Variants in KDM5A observed in about 807,000 individuals in gnomAD.
The protein encoded by KDM5A is lysine demethylase 5A.
Under a neutral mutation model 193.5 loss-of-function variants are expected in KDM5A, and 42 were observed. The ratio of observed to expected loss-of-function variants is 0.22; its 90% CI spans 0.17 to 0.28. KDM5A has a LOEUF of 0.28. Ranked by LOEUF, KDM5A falls within the 10% of genes least tolerant of loss-of-function variation. The pLI, the probability that KDM5A is intolerant of heterozygous loss-of-function variation, is 1.00. For synonymous variants in KDM5A, 796 were observed against 718.1 expected (o/e 1.11, Z -1.73); for missense variants, 1,692 against 2,055.1 (o/e 0.82, Z 3.42).
intron 4 of KDM5A, 117 bp from the exon 5 acceptor site, chr12:363,214 T>C: frequency 8.4e-7 from 1 of 1,194,976 alleles, no homozygotes; most frequent in South Asian, 1.3e-5. Context: ...CAATTATTTC[T>C]CAAACTGACA....
intron 10 of KDM5A, among the ~76,000 whole-genome samples, chr12:336,843 A>G: frequency 6.6e-6 from 1 of 152,178 alleles, no homozygotes. Flanking sequence ...TCAAAAAAAA[A>G]AAAAAAGTTA....
intron 1 of KDM5A, chr12:388,559 T>C (rs894499214): frequency 1.6e-5 from 6 of 370,362 alleles, no homozygotes; most frequent in African/African-American, 1.1e-4. Flanking sequence ...CAACCAGGTC[T>C]TGAATAAAGA....
At chr12:352,628 A>G (rs1245993292) in intron 8 of KDM5A, among the ~76,000 whole-genome samples, 1 of 152,206 alleles carries the variant, frequency 6.6e-6, no homozygotes, top group African/African-American at 2.4e-5. Context: ...AATCATGCCT[A>G]GGGATGCCTA....
chr12:304,462 T>C (rs1296241851), intron 24 of KDM5A, among the ~76,000 whole-genome samples: 1 of 150,624 alleles, frequency 6.6e-6, no homozygotes, highest in Non-Finnish European at 1.5e-5. Flanking sequence ...TTTTTTTTTT[T>C]TTTTCATTCA....
intron 3 of KDM5A, among the ~76,000 whole-genome samples, chr12:370,608 A>C (rs1005158600): frequency 2.1e-4 from 17 of 79,344 alleles, no homozygotes; most frequent in Non-Finnish European, 4.6e-4. Flanking sequence ...CTGGGAACAG[A>C]GACTTTTTTT....
Position 282,202 on chromosome 12 carries a change from T to A in KDM5A, c.*3254A>T. 4.1e-6 allele frequency: 1 copy of A among 246,640 alleles called. No homozygotes were observed. The highest frequency in any genetic ancestry group is 8.0e-6 in the Non-Finnish European group (1 of 125,396). The allele number at this position is 246,640 out of a possible 1,614,324, so 15.3% of individuals were successfully genotyped here. A position where few individuals can be genotyped will look rare whatever the true frequency, so the allele number is the denominator to read the frequency against. On this transcript the variant is annotated 3_prime_UTR_variant, in exon 28 of 28. Transcript: ENST00000399788. ...GAGAGACAGACAGACACATGGGGTCTCGCTGTTGACCAGGCGGGACTCAAA... is the reference window on the plus strand; with the variant it reads ...GAGAGACAGACAGACACATGGGGTCACGCTGTTGACCAGGCGGGACTCAAA...
chr12:362,687 A>C (rs545751012), intron 5 of KDM5A, among the ~76,000 whole-genome samples: 1 of 152,356 alleles, frequency 6.6e-6, no homozygotes, highest in African/African-American at 2.4e-5. Context: ...TTCTCCATTC[A>C]TCTCAAAGGT....
rs926102483 is a variant in KDM5A, at chr12:285,339, C to T, written c.*117G>A. 7.7e-5 allele frequency: 68 copies of T among 879,852 alleles called. No individual in the cohort carries two copies. Among genetic ancestry groups the T allele is most frequent in the Non-Finnish European group, 1.1e-4 (61 of 543,612 alleles). The allele number at this position is 879,852 out of a possible 1,614,324, so 54.5% of individuals were successfully genotyped here. On this transcript the variant is annotated 3_prime_UTR_variant, in exon 28 of 28. Transcript: ENST00000399788. ...GAAGCCAGCACTAAGGGGACTTTCT[C>T]TGAAGGCCATTCATCTTTGGAAGCA...
At chr12:285,695 T>A in intron 27 of KDM5A, 33 bp from the exon 28 acceptor site, 1 of 1,562,808 alleles carries the variant, frequency 6.4e-7, no homozygotes, top group Non-Finnish European at 8.8e-7. Context: ...ATGTTTAGGT[T>A]ACATAAACAT....
In KDM5A at chr12:295,604, G is replaced by A; in HGVS notation, c.4424C>T (p.Pro1475Leu). The A allele has an allele frequency of 6.2e-7, 1 of 1,614,070 alleles. No homozygotes were observed. Among genetic ancestry groups the A allele is most frequent in the Non-Finnish European group, 8.5e-7 (1 of 1,179,954 alleles). ...IWRILQATHP[P>L]SEDRFLHIME... ...GATATGCAAGAATCTGTCTTCAGAG[G>A]GTGGGTGTGTGGCCTGCAAAATCCG... Residue 1475 changes from proline (P) to leucine (L), a missense_variant, in exon 26 of 28, where the codon CCC (proline) becomes CTC (leucine). This residue lies in a region of KDM5A where 965 missense variants were observed against 1,061.0 expected (regional missense o/e 0.91). Transcript: ENST00000399788.
At position 330,085 on chromosome 12, in the gene KDM5A, G is replaced by GTGTGTGTGTGTGTGTGTGTGTATA. The variant is rs377271333; in HGVS notation, c.1774-1057_1774-1056insTATACACACACACACACACACACA. Among the ~76,000 whole-genome samples the GTGTGTGTGTGTGTGTGTGTGTATA allele has an allele frequency of 7.2e-4, 100 of 139,366 alleles. 2 individuals are homozygous for GTGTGTGTGTGTGTGTGTGTGTATA. Among genetic ancestry groups the GTGTGTGTGTGTGTGTGTGTGTATA allele is most frequent in the Non-Finnish European group, 9.5e-4 (62 of 64,950 alleles). 91.4% of individuals were successfully genotyped at this position (139,366 alleles called of 152,430 possible). A position where few individuals can be genotyped will look rare whatever the true frequency, so the allele number is the denominator to read the frequency against. On this transcript the variant is annotated intron_variant, in intron 13 of 27. Coordinates refer to ENST00000399788, the MANE Select transcript of KDM5A (RefSeq NM_001042603.3). ...TGTGTGTGTGTGTGTGTGTGTGTGT[G>GTGTGTGTGTGTGTGTGTGTGTATA]TATATATATATATCTTATGATTAGC... is the stretch of plus-strand genomic sequence containing the variant.
intron 10 of KDM5A, among the ~76,000 whole-genome samples, chr12:340,924 T>C (rs1943996397): frequency 6.6e-6 from 1 of 152,192 alleles, no homozygotes; most frequent in Non-Finnish European, 1.5e-5. Context: ...TAAGCCTGCA[T>C]GTCTCCACAT....
At chr12:381,272 G>C (rs1488198119) in intron 3 of KDM5A, among the ~76,000 whole-genome samples, 1 of 152,060 alleles carries the variant, frequency 6.6e-6, no homozygotes, top group Non-Finnish European at 1.5e-5. Context: ...GGGATTACAG[G>C]CATGAGCCAC....
rs1443805087 is a variant in KDM5A, at chr12:307,268, C to A, written c.3931-179G>T. Among the ~76,000 whole-genome samples the A allele has an allele frequency of 1.3e-5, 2 of 152,126 alleles. No individual in the cohort carries two copies. The highest frequency in any genetic ancestry group is 2.9e-5 in the Non-Finnish European group (2 of 68,030). ...GCCAAAGTCCACCTGAATGATATTA[C>A]CAAGAATATTTCACTAAGTACGTAT... On this transcript the variant is annotated intron_variant, in intron 23 of 27. Transcript: ENST00000399788. This position sits in a 1 kb window ranked among gnomAD's most constrained non-coding sequence, Gnocchi z 4.3.
In KDM5A at chr12:283,171, T is replaced by A. The variant is rs930864721; in HGVS notation, c.*2285A>T. The A allele has an allele frequency of 4.3e-6, 1 of 231,204 alleles. No homozygotes were observed. Among genetic ancestry groups the A allele is most frequent in the Non-Finnish European group, 8.6e-6 (1 of 116,766 alleles). The allele number at this position is 231,204 out of a possible 1,614,324, so 14.3% of individuals were successfully genotyped here. On this transcript the variant is annotated 3_prime_UTR_variant, in exon 28 of 28. Transcript: ENST00000399788. Reference sequence around the variant, plus strand: ...AAAAATTTTAAATGTATTCCAGGCATCTGTCACTTAAAATTACATTCAATT... The same window carrying A: ...AAAAATTTTAAATGTATTCCAGGCAACTGTCACTTAAAATTACATTCAATT...
At chr12:314,923 A>T (rs1395975003) in intron 19 of KDM5A, among the ~76,000 whole-genome samples, 1 of 152,246 alleles carries the variant, frequency 6.6e-6, no homozygotes, top group Non-Finnish European at 1.5e-5. Flanking sequence ...TAGATGACAG[A>T]TGGCCTTATA....
chr12:362,061 A>C (rs1018921204), intron 5 of KDM5A, among the ~76,000 whole-genome samples: 1 of 151,978 alleles, frequency 6.6e-6, no homozygotes, highest in South Asian at 2.1e-4. Context: ...TTTTGATGCT[A>C]ATCATTCCCA....
At position 281,747 on chromosome 12, in the gene KDM5A, T is replaced by C. The variant is rs1253577428; in HGVS notation, c.*3709A>G. On this transcript the variant is annotated 3_prime_UTR_variant, in exon 28 of 28. Transcript: ENST00000399788. ...TTAAAAAGTGGATAAACCCATCTTTTGAAAGACAGGTCTTCTCAGTTTTTC... is the reference window on the plus strand; with the variant it reads ...TTAAAAAGTGGATAAACCCATCTTTCGAAAGACAGGTCTTCTCAGTTTTTC... 2 of 234,318 alleles carry C rather than the reference T, an allele frequency of 8.5e-6. No homozygotes were observed. Among genetic ancestry groups the C allele is most frequent in the Non-Finnish European group, 1.7e-5 (2 of 118,698 alleles). The allele number at this position is 234,318 out of a possible 1,614,324, so 14.5% of individuals were successfully genotyped here. A position where few individuals can be genotyped will look rare whatever the true frequency, so the allele number is the denominator to read the frequency against.
At chr12:351,590 T>C (rs551658859) in intron 9 of KDM5A, among the ~76,000 whole-genome samples, 12 of 151,984 alleles carry the variant, frequency 7.9e-5, no homozygotes, top group Admixed American at 5.9e-4. Flanking sequence ...ACAGTAAAAA[T>C]AACTAAAGAA....
Sources: gnomAD v4.1 joint callset for allele counts (sites outside exome capture counted in the v4.1 genomes callset) on GRCh38, gnomAD v4.1.1 for gene constraint, gnomAD v4.1.1 regional missense constraint, Gnocchi (gnomAD v3.1) non-coding constraint, MANE v1.5 for transcripts, NCBI Gene and HGNC (gene_info 2026-07-23, HGNC 2026-07-21) for gene names.